The following MAGI1 variants were observed in gnomAD, a reference collection of about 807,000 sequenced individuals.
The protein encoded by MAGI1 is membrane-associated guanylate kinase, WW and PDZ domain-containing protein 1.
Under a neutral mutation model 139.9 loss-of-function variants are expected in MAGI1, and 58 were observed. That is an observed-to-expected ratio of 0.41 (90% CI 0.34 to 0.52). MAGI1 has a LOEUF of 0.52. Ranked by LOEUF, MAGI1 falls within the 20% of genes least tolerant of loss-of-function variation. The pLI is 0.12. For synonymous variants in MAGI1, 812 were observed against 737.9 expected (o/e 1.10, Z -1.63); for missense variants, 1,874 against 1,901.6 (o/e 0.99, Z 0.27).
intron 22 of MAGI1, chr3:65,360,897 T>G (rs1940787724): frequency 7.6e-7 from 1 of 1,321,982 alleles, no homozygotes; most frequent in African/African-American, 1.5e-5. Flanking sequence ...AGGAACAGTT[T>G]GGCACAGTAC....
intron 22 of MAGI1, 26 bp from the exon 23 acceptor site, chr3:65,357,158 C>A: frequency 6.3e-7 from 1 of 1,579,972 alleles, no homozygotes; most frequent in South Asian, 1.2e-5. Context: ...ACGAGAGCAA[C>A]AGTTGGGTAC....
At chr3:65,961,173 C>G (rs1464416518) in intron 1 of MAGI1, among the ~76,000 whole-genome samples, 1 of 152,222 alleles carries the variant, frequency 6.6e-6, no homozygotes, top group Non-Finnish European at 1.5e-5. Flanking sequence ...ACCCCTGCAA[C>G]AGGCTATTAC....
chr3:65,749,327 T>A (rs2035953945), intron 1 of MAGI1, among the ~76,000 whole-genome samples: 1 of 152,316 alleles, frequency 6.6e-6, no homozygotes, highest in African/African-American at 2.4e-5. Context: ...GTGATGTGAT[T>A]CTATGTAAAA....
At chr3:65,547,739 T>A (rs2079572294) in intron 2 of MAGI1, among the ~76,000 whole-genome samples, 1 of 152,104 alleles carries the variant, frequency 6.6e-6, no homozygotes, top group Non-Finnish European at 1.5e-5. Flanking sequence ...TGAAGAGGAA[T>A]ATATATATGA....
chr3:65,772,985 T>C (rs1017968867), intron 1 of MAGI1, among the ~76,000 whole-genome samples: 12 of 152,168 alleles, frequency 7.9e-5, no homozygotes, highest in Non-Finnish European at 1.3e-4. Flanking sequence ...TGGGTGAAGA[T>C]ACAGACTCCA....
chr3:65,690,817 T>C (rs2088562432), intron 1 of MAGI1, among the ~76,000 whole-genome samples: 2 of 121,200 alleles, frequency 1.7e-5, no homozygotes, highest in African/African-American at 3.7e-5. Context: ...TAACCACTAT[T>C]ATAGTCTATG....
intron 1 of MAGI1, among the ~76,000 whole-genome samples, chr3:65,851,364 C>T (rs2059195198): frequency 6.6e-6 from 1 of 152,164 alleles, no homozygotes; most frequent in Non-Finnish European, 1.5e-5. Flanking sequence ...TTTTCTCCCA[C>T]ACAATGACTT....
chr3:65,792,466 TA>T (rs2039849753), intron 1 of MAGI1, among the ~76,000 whole-genome samples: 1 of 151,856 alleles, frequency 6.6e-6, no homozygotes, highest in Non-Finnish European at 1.5e-5. Context: ...CAAACGATGA[TA>T]ATAATAGTAG....
intron 1 of MAGI1, among the ~76,000 whole-genome samples, chr3:65,767,026 C>T (rs1285121504): frequency 6.6e-6 from 1 of 152,124 alleles, no homozygotes; most frequent in Non-Finnish European, 1.5e-5. Flanking sequence ...GTTTCCATTT[C>T]TCTCTCTTTT....
chr3:65,780,578 G>T (rs1176496647), intron 1 of MAGI1, among the ~76,000 whole-genome samples: 1 of 152,102 alleles, frequency 6.6e-6, no homozygotes, highest in African/African-American at 2.4e-5. Flanking sequence ...GGTCAGAAAT[G>T]GTTAACAGCT....
At position 65,375,728 on chromosome 3, in the gene MAGI1, T is replaced by C. The variant is rs780909892; in HGVS notation, c.3196+17A>G. 2 of 1,545,712 alleles carry C rather than the reference T, an allele frequency of 1.3e-6. No homozygotes were observed. Among genetic ancestry groups the C allele is most frequent in the Non-Finnish European group, 1.8e-6 (2 of 1,123,428 alleles). On this transcript the variant is annotated intron_variant, in intron 18 of 22. Coordinates refer to ENST00000402939, the MANE Select transcript of MAGI1 (RefSeq NM_001033057.2). ...AGAAAAAGAGAGAGAGAGAGAGAGA[T>C]AATAGGTATACTTTACCATCCCCAG...
At chr3:65,453,464 C>T (rs1227620058) in intron 5 of MAGI1, 124 bp from the exon 6 acceptor site, 1 of 702,502 alleles carries the variant, frequency 1.4e-6, no homozygotes, top group Non-Finnish European at 2.4e-6. Flanking sequence ...TGCTTTCCAA[C>T]AGCAAATCCA....
At chr3:65,640,438 A>G (rs1576570586) in intron 1 of MAGI1, among the ~76,000 whole-genome samples, 1 of 152,238 alleles carries the variant, frequency 6.6e-6, no homozygotes, top group East Asian at 1.9e-4. Flanking sequence ...TCTGATACTT[A>G]TCTTGCTCTC....
chr3:65,438,771 C>T (rs996457203), intron 9 of MAGI1, among the ~76,000 whole-genome samples: 2 of 152,164 alleles, frequency 1.3e-5, no homozygotes, highest in Admixed American at 1.3e-4. Flanking sequence ...ATGAAAATTA[C>T]ATGAAGTTGA....
chr3:65,375,471 G>A (rs901588675), intron 18 of MAGI1, among the ~76,000 whole-genome samples: 1 of 152,204 alleles, frequency 6.6e-6, no homozygotes, highest in Non-Finnish European at 1.5e-5. Context: ...ACAGGCGTGA[G>A]CCACCGCACC....
At chr3:65,699,440 C>T (rs1051101373) in intron 1 of MAGI1, among the ~76,000 whole-genome samples, 15 of 146,916 alleles carry the variant, frequency 1.0e-4, no homozygotes, top group South Asian at 2.2e-4. Context: ...ATGTTTATTG[C>T]GGCATTATTC....
Position 65,685,890 on chromosome 3 carries a change from C to T in MAGI1, c.314-63802G>A, listed in dbSNP as rs552691545. Among the ~76,000 whole-genome samples, 32 of 152,298 alleles carry T rather than the reference C, an allele frequency of 2.1e-4. No homozygotes were observed. In the South Asian group the frequency reaches 6.4e-3, roughly 31 times the overall value. On this transcript the variant is annotated intron_variant, in intron 1 of 22. Coordinates refer to ENST00000402939, the MANE Select transcript of MAGI1 (RefSeq NM_001033057.2). ...TCTGTGGTTACTAGGAAGTTAGACA[C>T]GTTTTCTTCCCCTGAAAATTATCTC...
intron 1 of MAGI1, among the ~76,000 whole-genome samples, chr3:65,696,101 T>A (rs1225064397): frequency 6.6e-6 from 1 of 152,182 alleles, no homozygotes; most frequent in Non-Finnish European, 1.5e-5. Context: ...ACTGGCGTCT[T>A]TACTATTCTA....
At chr3:65,458,912 G>C (rs1185200954) in intron 5 of MAGI1, among the ~76,000 whole-genome samples, 1 of 152,096 alleles carries the variant, frequency 6.6e-6, no homozygotes, top group African/African-American at 2.4e-5. Context: ...TCAATGTTTT[G>C]TTTCGGTAGT....
Sources: allele counts gnomAD v4.1 joint callset (sites outside exome capture counted in the v4.1 genomes callset), GRCh38; gene constraint gnomAD v4.1.1; transcripts MANE v1.5; gene names NCBI Gene and HGNC (gene_info 2026-07-23, HGNC 2026-07-21).